LINC00632: variants seen among roughly 807,000 people sequenced by gnomAD.
LINC00632 encodes ALDOA related specific transcript.
exon 5 of LINC00632, among the ~76,000 whole-genome samples, chrX:140,788,848 TATATTCCATATATGC>T (rs1932061607): frequency 9.4e-6 from 1 of 106,241 alleles, no homozygotes; most frequent in East Asian, 2.9e-4. Context: ...TGTATATATG[TATATTCCATATATGC>T]ATATTCCATA....
At chrX:140,786,730 A>G (rs767304159) in exon 5 of LINC00632, among the ~76,000 whole-genome samples, 2 of 111,939 alleles carry the variant, frequency 1.8e-5, no homozygotes, top group South Asian at 7.4e-4. Flanking sequence ...ACACACAAAG[A>G]TACTCCTCAC....
intron 2 of LINC00632, among the ~76,000 whole-genome samples, chrX:140,725,257 TACAC>T (rs766068251): frequency 1.3e-5 from 1 of 74,174 alleles, no homozygotes; most frequent in African/African-American, 5.4e-5. Flanking sequence ...ACACATTCCG[TACAC>T]ACACACAGTC....
intron 3 of LINC00632, among the ~76,000 whole-genome samples, chrX:140,744,571 G>T (rs1488267944): frequency 1.9e-5 from 1 of 51,609 alleles, no homozygotes; most frequent in South Asian, 3.2e-3. Context: ...TTTTTTTGGG[G>T]GGGGGGGTGG....
At chrX:140,723,497 C>T (rs1392592984) in intron 2 of LINC00632, among the ~76,000 whole-genome samples, 1 of 846 alleles carries the variant, frequency 1.2e-3, no homozygotes, top group Admixed American at 0.013. Flanking sequence ...TCCATACACG[C>T]ACACACACAT....
chrX:140,773,883 G>A (rs1398799348), exon 4 of LINC00632, among the ~76,000 whole-genome samples: 1 of 112,167 alleles, frequency 8.9e-6, no homozygotes, highest in Non-Finnish European at 1.9e-5. Flanking sequence ...TACCATGAAA[G>A]TGGCTTGGCA....
chrX:140,759,300 C>A (rs1179832271), intron 3 of LINC00632, among the ~76,000 whole-genome samples: 8 of 48,495 alleles, frequency 1.6e-4, no homozygotes, highest in Non-Finnish European at 4.0e-5. Context: ...TTCCTTCCTT[C>A]CTTCCTTCCT....
At chrX:140,712,362 G>GT (rs1215845358) in intron 2 of LINC00632, 103 of 95,575 alleles carry the variant, frequency 1.1e-3, no homozygotes, top group African/African-American at 3.8e-3. Context: ...CCAATTGTGT[G>GT]TTAAAAAAAA....
intron 3 of LINC00632, among the ~76,000 whole-genome samples, chrX:140,745,986 T>C (rs1250511590): frequency 8.9e-6 from 1 of 112,150 alleles, no homozygotes; most frequent in Non-Finnish European, 1.9e-5. Flanking sequence ...TAGGAATGAA[T>C]GACACTGCCT....
At chrX:140,724,035 C>G (rs1602735479) in intron 2 of LINC00632, among the ~76,000 whole-genome samples, 1 of 77,161 alleles carries the variant, frequency 1.3e-5, no homozygotes, top group Non-Finnish European at 2.8e-5. Context: ...ACATTCCATA[C>G]ACACACACAT....
At chrX:140,766,106 G>A (rs1012873498) in intron 3 of LINC00632, among the ~76,000 whole-genome samples, 1 of 111,907 alleles carries the variant, frequency 8.9e-6, no homozygotes, top group Non-Finnish European at 1.9e-5. Context: ...TGGGGAAAAG[G>A]TGGGCAGAAC....
intron 2 of LINC00632, among the ~76,000 whole-genome samples, chrX:140,730,591 G>A (rs113407327): frequency 0.048 from 5,180 of 108,917 alleles, 338 homozygotes; most frequent in African/African-American, 0.16. Context: ...ATCATGATGC[G>A]GAACAGGCAT....
chrX:140,757,567 CTTTT>C (rs1426418793), intron 3 of LINC00632, among the ~76,000 whole-genome samples: 2 of 110,951 alleles, frequency 1.8e-5, no homozygotes, highest in African/African-American at 6.5e-5. Context: ...TTGTATAATT[CTTTT>C]TGTTTTGTTT....
chrX:140,764,293 T>G (rs2148397928), intron 3 of LINC00632, among the ~76,000 whole-genome samples: 1 of 96,188 alleles, frequency 1.0e-5, no homozygotes, highest in African/African-American at 3.9e-5. Context: ...AACAGACCCT[T>G]GGAGGGTCTC....
intron 3 of LINC00632, among the ~76,000 whole-genome samples, chrX:140,768,881 C>G (rs1460347689): frequency 9.6e-6 from 1 of 104,605 alleles, no homozygotes; most frequent in Non-Finnish European, 1.9e-5. Context: ...AGTATAGGAC[C>G]TAGTTACTGC....
chrX:140,715,832 T>C (rs1454646513), intron 2 of LINC00632, among the ~76,000 whole-genome samples: 2 of 111,348 alleles, frequency 1.8e-5, no homozygotes, highest in Middle Eastern at 4.2e-3. Flanking sequence ...CCTATCAATA[T>C]ACATACTTGC....
chrX:140,738,365 C>A (rs1379806289), intron 3 of LINC00632, among the ~76,000 whole-genome samples: 1 of 111,873 alleles, frequency 8.9e-6, no homozygotes, highest in African/African-American at 3.2e-5. Flanking sequence ...CTGTCTCCTG[C>A]AAGATTGTTC....
At chrX:140,770,027 A>G (rs1931763422) in intron 3 of LINC00632, among the ~76,000 whole-genome samples, 1 of 111,874 alleles carries the variant, frequency 8.9e-6, no homozygotes, top group African/African-American at 3.3e-5. Flanking sequence ...CTGTAATCAG[A>G]GTAGGCATTG....
exon 5 of LINC00632, among the ~76,000 whole-genome samples, chrX:140,791,025 T>G (rs1436444115): frequency 9.0e-6 from 1 of 111,706 alleles, no homozygotes; most frequent in Non-Finnish European, 1.9e-5. Context: ...ACTTTATAAC[T>G]TCCAGGACAA....
At chrX:140,725,455 A>G (rs898221383) in intron 2 of LINC00632, among the ~76,000 whole-genome samples, 2 of 102,140 alleles carry the variant, frequency 2.0e-5, no homozygotes, top group African/African-American at 7.3e-5. Context: ...ACATAGACTC[A>G]TTCCGTACAC....
Sources: gnomAD v4.1 joint callset for allele counts (sites outside exome capture counted in the v4.1 genomes callset) on GRCh38, gnomAD v4.1.1 for gene constraint, MANE v1.5 for transcripts, NCBI Gene and HGNC (gene_info 2026-07-23, HGNC 2026-07-21) for gene names.